PDE11A: variants seen among roughly 807,000 people sequenced by gnomAD.
PDE11A encodes the protein dual 3',5'-cyclic-AMP and -GMP phosphodiesterase 11A.
A neutral mutation model predicts 100.5 loss-of-function variants in PDE11A; 100 were observed. The observed-to-expected ratio is 1.00, with a 90% CI of 0.85 to 1.18. The LOEUF (loss-of-function observed/expected upper bound fraction) is 1.18, where lower values mean the gene tolerates loss of function less well. Ranked by LOEUF, PDE11A falls within the 50% of genes most tolerant of loss-of-function variation. PDE11A has a pLI of 0.00. For synonymous variants in PDE11A, 381 were observed against 420.8 expected, an observed-to-expected ratio of 0.91 and a Z score of 1.16; for missense variants, 1,141 against 1,152.6, an observed-to-expected ratio of 0.99 and a Z score of 0.15.
chr2:177,757,915 C>A (rs1430284049), intron 10 of PDE11A, among the ~76,000 whole-genome samples: 1 of 152,040 alleles, frequency 6.6e-6, no homozygotes. Flanking sequence ...TTGTTCACAG[C>A]CTAATTCCTT....
intron 10 of PDE11A, among the ~76,000 whole-genome samples, chr2:177,761,489 G>T (rs2082169635): frequency 6.6e-6 from 1 of 152,162 alleles, no homozygotes; most frequent in Non-Finnish European, 1.5e-5. Flanking sequence ...TGATATAAGG[G>T]TTACCAAATG....
chr2:178,041,192 A>C (rs2105849103), intron 1 of PDE11A, among the ~76,000 whole-genome samples: 1 of 151,982 alleles, frequency 6.6e-6, no homozygotes, highest in Admixed American at 6.5e-5. Context: ...CTCCTGCCTC[A>C]GCCTCCCAAA....
At chr2:177,867,938 T>G (rs16865870) in intron 5 of PDE11A, among the ~76,000 whole-genome samples, 16 of 152,158 alleles carry the variant, frequency 1.1e-4, no homozygotes, top group Non-Finnish European at 1.9e-4. Context: ...GGACTAACTA[T>G]AGAGCTCATC....
chr2:178,102,932 G>C (rs919719373), intron 2 of PDE11A, among the ~76,000 whole-genome samples: 2 of 152,034 alleles, frequency 1.3e-5, no homozygotes, highest in Admixed American at 1.3e-4. Flanking sequence ...GAATATGATT[G>C]GTGTCATTAT....
intron 2 of PDE11A, among the ~76,000 whole-genome samples, chr2:177,957,201 C>A (rs954574814): frequency 1.3e-5 from 2 of 152,022 alleles, no homozygotes; most frequent in African/African-American, 4.8e-5. Context: ...CATAAATGTA[C>A]AAATATTTCC....
At chr2:177,791,393 G>C (rs888821859) in intron 9 of PDE11A, among the ~76,000 whole-genome samples, 1 of 118,828 alleles carries the variant, frequency 8.4e-6, no homozygotes, top group African/African-American at 3.2e-5. Context: ...GTTGTCGGGT[G>C]GGGGGAGGGG....
At chr2:178,019,313 T>C (rs1417518197) in intron 1 of PDE11A, among the ~76,000 whole-genome samples, 1 of 152,208 alleles carries the variant, frequency 6.6e-6, no homozygotes, top group East Asian at 1.9e-4. Flanking sequence ...GAAGTCTCCT[T>C]TGTAATTGTA....
At chr2:177,922,689 C>T (rs2085070493) in intron 2 of PDE11A, 1 of 985,176 alleles carries the variant, frequency 1.0e-6, no homozygotes, top group Admixed American at 6.2e-5. Flanking sequence ...TCCCTCACCC[C>T]CACTCCAATC....
At chr2:178,105,739 A>C (rs1235941711) in intron 1 of PDE11A, 25 of 1,126,842 alleles carry the variant, frequency 2.2e-5, no homozygotes, top group East Asian at 3.0e-5. Context: ...GGCACCCAAT[A>C]TCACCTCACA....
chr2:178,036,932 C>T (rs919457698), intron 1 of PDE11A, among the ~76,000 whole-genome samples: 11 of 151,970 alleles, frequency 7.2e-5, no homozygotes, highest in African/African-American at 2.7e-4. Context: ...GAAGAAAACC[C>T]AGGCAATACG....
At chr2:178,092,967 A>G (rs1335214118) in intron 2 of PDE11A, 1 of 152,192 alleles carries the variant, frequency 6.6e-6, no homozygotes, top group East Asian at 1.9e-4. Flanking sequence ...TACAATACCT[A>G]CAAAGGTGAA....
chr2:178,053,526 G>A (rs1047093777), intron 1 of PDE11A, among the ~76,000 whole-genome samples: 1 of 152,098 alleles, frequency 6.6e-6, no homozygotes, highest in Non-Finnish European at 1.5e-5. Context: ...CAATCAGGCA[G>A]GAGAAAGAAA....
At chr2:177,994,685 A>C (rs1444344530) in intron 2 of PDE11A, among the ~76,000 whole-genome samples, 2 of 152,226 alleles carry the variant, frequency 1.3e-5, no homozygotes, top group African/African-American at 4.8e-5. Flanking sequence ...CCCCTTGGTA[A>C]CAATTTGAAG....
chr2:177,946,338 A>C, intron 2 of PDE11A, among the ~76,000 whole-genome samples: 1 of 125,942 alleles, frequency 7.9e-6, no homozygotes, highest in East Asian at 2.6e-4. Context: ...GGGGGGGGTC[A>C]GCCCCCCTGC....
At position 177,816,925 on chromosome 2, in the gene PDE11A, G is replaced by A. The variant is rs1313073235; in HGVS notation, c.1645-4C>T. The A allele has an allele frequency of 1.3e-6, 2 of 1,578,016 alleles. No homozygotes were observed. The highest frequency in any genetic ancestry group is 1.7e-6 in the Non-Finnish European group (2 of 1,147,452). ...GTCCACAAAAGATGACAAAAGCCTA[G>A]GAAAGAGCAAACCTGCTAATTAAAC... On this transcript the variant is annotated splice_region_variant and splice_polypyrimidine_tract_variant and intron_variant, in intron 8 of 19. Coordinates refer to ENST00000286063, the MANE Select transcript of PDE11A (RefSeq NM_016953.4).
At chr2:177,667,954 C>A (rs7597640) in intron 18 of PDE11A, among the ~76,000 whole-genome samples, 123,448 of 152,054 alleles carry the variant, frequency 0.81, 50,874 homozygotes, top group East Asian at 0.98. Context: ...GGATAATGGG[C>A]ACAGCAGCTG....
intron 1 of PDE11A, among the ~76,000 whole-genome samples, chr2:178,017,654 A>G (rs1329363477): frequency 6.6e-6 from 1 of 152,172 alleles, no homozygotes; most frequent in Non-Finnish European, 1.5e-5. Context: ...AAGAAAGCTT[A>G]CTTCTTTAGA....
At chr2:178,000,304 GTTATA>G (rs767127523) in intron 2 of PDE11A, among the ~76,000 whole-genome samples, 18 of 152,132 alleles carry the variant, frequency 1.2e-4, no homozygotes, top group Non-Finnish European at 2.1e-4. Context: ...ATGTCACAGA[GTTATA>G]TTATATTTGA....
chr2:177,677,506 T>A (rs2080794719), intron 16 of PDE11A, among the ~76,000 whole-genome samples: 1 of 152,130 alleles, frequency 6.6e-6, no homozygotes, highest in African/African-American at 2.4e-5. Flanking sequence ...CCTTTGTCCA[T>A]CTGGCACTGG....
Sources: allele counts gnomAD v4.1 joint callset (sites outside exome capture counted in the v4.1 genomes callset), GRCh38; gene constraint gnomAD v4.1.1; transcripts MANE v1.5; gene names NCBI Gene and HGNC (gene_info 2026-07-23, HGNC 2026-07-21).